TAB3: variants seen among roughly 807,000 people sequenced by gnomAD.
The protein encoded by TAB3 is TGF-beta activated kinase 1 (MAP3K7) binding protein 3, also known as TGF-beta-activated kinase 1 and MAP3K7-binding protein 3.
Under a neutral mutation model 48.1 loss-of-function variants are expected in TAB3, and 18 were observed. The ratio of observed to expected loss-of-function variants is 0.37; its 90% CI spans 0.26 to 0.55. The LOEUF is 0.55. Among genes scored for constraint, TAB3 ranks in the 20% least tolerant of loss-of-function variants. The pLI, the probability that TAB3 is intolerant of heterozygous loss-of-function variation, is 0.78. For synonymous variants in TAB3, 185 were observed against 190.2 expected (o/e 0.97, Z 0.22); for missense variants, 414 against 549.8 (o/e 0.75, Z 2.47).
At chrX:30,850,445 G>A (rs571590127) in intron 7 of TAB3, among the ~76,000 whole-genome samples, 1 of 111,421 alleles carries the variant, frequency 9.0e-6, no homozygotes, top group Non-Finnish European at 1.9e-5. Flanking sequence ...AGGTGCGGTG[G>A]CTCATGCCTG....
intron 4 of TAB3, among the ~76,000 whole-genome samples, chrX:30,866,756 A>G (rs1244120929): frequency 9.1e-6 from 1 of 109,463 alleles, no homozygotes; most frequent in Non-Finnish European, 1.9e-5. Flanking sequence ...AAAATCCCAA[A>G]CAATTTACAT....
intron 10 of TAB3, 47 bp from the exon 11 acceptor site, chrX:30,831,622 A>C: frequency 1.7e-6 from 2 of 1,152,209 alleles, no homozygotes; most frequent in Non-Finnish European, 2.3e-6. Context: ...AAATAGATTA[A>C]CCTTTTTCCA....
intron 1 of TAB3, among the ~76,000 whole-genome samples, chrX:30,879,006 G>C (rs959775270): frequency 9.1e-6 from 1 of 110,196 alleles, no homozygotes; most frequent in African/African-American, 3.3e-5. Flanking sequence ...AGGAAACAAG[G>C]GTATAAACAC....
Position 30,858,013 on chromosome X carries a change from G to A in TAB3, c.102+1474C>T, listed in dbSNP as rs141303169. On this transcript the variant is annotated intron_variant, in intron 5 of 10. Coordinates refer to ENST00000288422, the MANE Select transcript of TAB3 (RefSeq NM_152787.5). ...CATTAAATGCAAACTGCTGAGCTTCGTACATTTTAATGTGAATAAAGCAGT... is the reference window on the plus strand; with the variant it reads ...CATTAAATGCAAACTGCTGAGCTTCATACATTTTAATGTGAATAAAGCAGT... Among the ~76,000 whole-genome samples, 51 of 111,670 alleles carry A rather than the reference G, an allele frequency of 4.6e-4. No homozygotes were observed. The East Asian group carries it at 9.2e-3, about 20-fold the overall frequency.
intron 4 of TAB3, among the ~76,000 whole-genome samples, chrX:30,860,143 GTC>G (rs1192711438): frequency 9.0e-6 from 1 of 111,657 alleles, no homozygotes; most frequent in Non-Finnish European, 1.9e-5. Flanking sequence ...GGAGCCGTGT[GTC>G]CGTATCAATG....
chrX:30,837,041 CTTTTTTTT>C (rs370702875), intron 9 of TAB3, among the ~76,000 whole-genome samples: 11 of 36,583 alleles, frequency 3.0e-4, no homozygotes, highest in African/African-American at 6.9e-4. Flanking sequence ...AAAATGACAT[CTTTTTTTT>C]TTTTTTTTTT....
intron 8 of TAB3, chrX:30,846,305 G>A (rs956476682): frequency 9.1e-6 from 3 of 329,962 alleles, no homozygotes; most frequent in East Asian, 5.5e-5. Flanking sequence ...ACAAAAAGAG[G>A]ATAAATGCAA....
At chrX:30,867,770 C>T (rs1471690548) in intron 2 of TAB3, among the ~76,000 whole-genome samples, 1 of 111,170 alleles carries the variant, frequency 9.0e-6, no homozygotes, top group African/African-American at 3.3e-5. Context: ...TCTACATTAT[C>T]CCACAGAAGA....
At chrX:30,862,963 T>C (rs1939293779) in intron 4 of TAB3, among the ~76,000 whole-genome samples, 2 of 112,507 alleles carry the variant, frequency 1.8e-5, no homozygotes, top group Admixed American at 1.9e-4. Flanking sequence ...GTTAGCTGTT[T>C]AAACACACAA....
At chrX:30,873,743 TTTC>T (rs1939738446) in intron 1 of TAB3, among the ~76,000 whole-genome samples, 1 of 111,900 alleles carries the variant, frequency 8.9e-6, no homozygotes. Flanking sequence ...ATTTTAACAT[TTTC>T]TTTTCTCTAG....
intron 4 of TAB3, among the ~76,000 whole-genome samples, chrX:30,865,468 A>AT (rs1187180409): frequency 3.6e-5 from 4 of 112,140 alleles, no homozygotes; most frequent in Admixed American, 9.4e-5. Flanking sequence ...ACTTTCATCT[A>AT]TTTTTTTGCT....
At position 30,831,472 on chromosome X, in the gene TAB3, T is replaced by C; in HGVS notation, c.2094A>G (p.Pro698=). ...NCDSCTFLNH[P]ALNRCEQCEM... ...CGCACTGCTCACAGCGATTTAGTGCTGGGTGGTTAAGAAAGGTGCAGCTAT... is the reference window on the plus strand; with the variant it reads ...CGCACTGCTCACAGCGATTTAGTGCCGGGTGGTTAAGAAAGGTGCAGCTAT... The change falls in exon 11 of 11, where the codon CCA becomes CCG. Residue 698 remains proline, a synonymous_variant. Transcript: ENST00000288422. 8.3e-7 allele frequency: 1 copy of C among 1,209,087 alleles called. No individual in the cohort carries two copies. Among genetic ancestry groups the C allele is most frequent in the South Asian group, 1.8e-5 (1 of 56,546 alleles).
chrX:30,833,799 C>T (rs1188335631), intron 10 of TAB3, among the ~76,000 whole-genome samples: 1 of 99,518 alleles, frequency 1.0e-5, no homozygotes, highest in Non-Finnish European at 2.0e-5. Context: ...CCACTGCACT[C>T]CAGCCTGGCC....
chrX:30,883,014 A>G (rs1371195392), intron 1 of TAB3, among the ~76,000 whole-genome samples: 1 of 112,254 alleles, frequency 8.9e-6, no homozygotes, highest in Non-Finnish European at 1.9e-5. Flanking sequence ...TTCTGACTCA[A>G]TTAAATGCCC....
intron 2 of TAB3, among the ~76,000 whole-genome samples, chrX:30,868,534 T>G (rs1423554375): frequency 9.0e-4 from 3 of 3,322 alleles, no homozygotes; most frequent in African/African-American, 3.3e-3. Flanking sequence ...TATATATATA[T>G]AGCTTATATA....
intron 5 of TAB3, among the ~76,000 whole-genome samples, chrX:30,857,458 T>C (rs1358968881): frequency 9.1e-6 from 1 of 110,358 alleles, no homozygotes; most frequent in Admixed American, 9.6e-5. Context: ...TATAGACCTA[T>C]GGATTAGGGG....
chrX:30,842,134 C>T (rs1368147370), intron 9 of TAB3, among the ~76,000 whole-genome samples: 3 of 112,468 alleles, frequency 2.7e-5, no homozygotes, highest in Non-Finnish European at 3.8e-5. Flanking sequence ...TAAACATTTG[C>T]TACATAAAAA....
intron 1 of TAB3, among the ~76,000 whole-genome samples, chrX:30,874,740 A>G (rs1939775772): frequency 8.9e-6 from 1 of 112,182 alleles, no homozygotes; most frequent in Admixed American, 9.4e-5. Flanking sequence ...TACAAGGCAG[A>G]TAAGCTTTTT....
intron 2 of TAB3, among the ~76,000 whole-genome samples, chrX:30,868,099 A>C: frequency 9.8e-6 from 1 of 102,242 alleles, no homozygotes; most frequent in African/African-American, 3.5e-5. Flanking sequence ...GTTTCACCAT[A>C]TTGCCCAAGC....
Sources: allele counts gnomAD v4.1 joint callset (sites outside exome capture counted in the v4.1 genomes callset), GRCh38; gene constraint gnomAD v4.1.1; transcripts MANE v1.5; gene names NCBI Gene and HGNC (gene_info 2026-07-23, HGNC 2026-07-21).